LRRC1: variants seen among roughly 807,000 people sequenced by gnomAD.
LRRC1 encodes leucine-rich repeat-containing protein 1.
Under a neutral mutation model 69.9 loss-of-function variants are expected in LRRC1, and 28 were observed. The observed-to-expected ratio is 0.40, with a 90% CI of 0.30 to 0.55. The LOEUF (loss-of-function observed/expected upper bound fraction) is 0.55. LRRC1 is among the 20% of genes least tolerant of loss of function. The pLI, the probability that LRRC1 is intolerant of heterozygous loss-of-function variation, is 0.47. For synonymous variants in LRRC1, 236 were observed against 240.2 expected, an observed-to-expected ratio of 0.98 and a Z score of 0.16; for missense variants, 498 against 609.0, an observed-to-expected ratio of 0.82 and a Z score of 1.92.
chr6:53,815,830 GT>G (rs1764935951), intron 1 of LRRC1, among the ~76,000 whole-genome samples: 1 of 152,178 alleles, frequency 6.6e-6, no homozygotes, highest in South Asian at 2.1e-4. Context: ...AGGCAGGCCG[GT>G]TTTTAAAAAT....
chr6:53,795,379 G>A lies in LRRC1; in HGVS notation c.123G>A (p.Leu41=). The A allele has an allele frequency of 6.2e-7, 1 of 1,613,476 alleles. No homozygotes were observed. The highest frequency in any genetic ancestry group is 1.7e-5 in the Admixed American group (1 of 60,014). Residue 41 remains leucine (L), a synonymous_variant, in exon 1 of 14, where the codon CTG becomes CTA. Coordinates refer to ENST00000370888, the MANE Select transcript of LRRC1 (RefSeq NM_018214.5). ...IYRYARSLEE[L]LLDANQLREL... ...GCTATGCCCGGAGCCTGGAGGAGCT[G>A]CTGCTGGACGCCAACCAGCTCCGCG...
intron 1 of LRRC1, among the ~76,000 whole-genome samples, chr6:53,836,644 T>C (rs1420632586): frequency 6.6e-6 from 1 of 152,240 alleles, no homozygotes; most frequent in African/African-American, 2.4e-5. Flanking sequence ...TTAAAAAGTT[T>C]TTTTTATTGT....
intron 1 of LRRC1, among the ~76,000 whole-genome samples, chr6:53,836,794 A>G (rs1765623705): frequency 6.6e-6 from 1 of 152,188 alleles, no homozygotes; most frequent in African/African-American, 2.4e-5. Context: ...ATCAAATTAC[A>G]TATTCTGCTT....
intron 1 of LRRC1, among the ~76,000 whole-genome samples, chr6:53,795,768 A>T (rs1764279553): frequency 6.6e-6 from 1 of 152,038 alleles, no homozygotes. Flanking sequence ...TTCCATCTGG[A>T]AGCTACAGAG....
chr6:53,899,715 T>TG (rs765069270), intron 7 of LRRC1, 32 bp from the exon 8 acceptor site: 47 of 1,608,944 alleles, frequency 2.9e-5, no homozygotes, highest in Middle Eastern at 1.7e-4. Flanking sequence ...CAGGTTTAAG[T>TG]GTGCGTTTAT....
In LRRC1 at chr6:53,858,831, AGAT is replaced by A. The variant is rs1358419539; in HGVS notation, c.277+16607_277+16609del. On this transcript the variant is annotated intron_variant, in intron 2 of 13. Coordinates refer to ENST00000370888, the MANE Select transcript of LRRC1 (RefSeq NM_018214.5). ...AAGTTAATCTCATTTAGAAACTGGT[AGAT>A]GACTGGCAGAGAATAAATCAGAGAT... is the stretch of plus-strand genomic sequence containing the variant. 3.3e-5 allele frequency among the ~76,000 whole-genome samples: 5 copies of A among 152,254 alleles called. No homozygotes were observed. The East Asian group carries it at 5.8e-4, about 18-fold the overall frequency.
intron 1 of LRRC1, among the ~76,000 whole-genome samples, chr6:53,831,233 A>G (rs568650915): frequency 3.3e-5 from 5 of 152,256 alleles, no homozygotes; most frequent in African/African-American, 1.2e-4. Context: ...AACAGTCTGA[A>G]CAAACGGCAT....
intron 2 of LRRC1, among the ~76,000 whole-genome samples, chr6:53,857,919 C>G (rs1347142211): frequency 6.6e-6 from 1 of 152,188 alleles, no homozygotes; most frequent in Non-Finnish European, 1.5e-5. Context: ...TGGTATGTGT[C>G]TTGGACAGCT....
At position 53,923,057 on chromosome 6, in the gene LRRC1, A is replaced by T; in HGVS notation, c.*264A>T. On this transcript the variant is annotated 3_prime_UTR_variant, in exon 14 of 14. Coordinates refer to ENST00000370888, the MANE Select transcript of LRRC1 (RefSeq NM_018214.5). ...TAGAATACACTACTGTAAACATACG[A>T]CCTTTGTTTTTGTCTTATGTTGGGG... 3.3e-6 allele frequency: 1 copy of T among 307,648 alleles called. No homozygotes were observed. Among genetic ancestry groups the T allele is most frequent in the Admixed American group, 4.8e-5 (1 of 20,668 alleles). The allele number at this position is 307,648 out of a possible 1,614,324, so 19.1% of individuals were successfully genotyped here.
At chr6:53,795,438 GC>G in intron 1 of LRRC1, 23 bp downstream of exon 1, 2 of 1,599,106 alleles carry the variant, frequency 1.3e-6, no homozygotes, top group Non-Finnish European at 1.7e-6. Context: ...CCTCACCTGA[GC>G]GCTCTGCCCG....
rs186321126 is a variant in LRRC1, at chr6:53,842,944, A to G, written c.277+717A>G. Among the ~76,000 whole-genome samples the G allele has an allele frequency of 6.0e-4, 91 of 152,300 alleles. 2 individuals are homozygous for G. The highest frequency in any genetic ancestry group is 1.9e-3 in the East Asian group (10 of 5,178). ...TAATAGATACCCCAATGGGATACTC[A>G]AATGCCTTTCATTTTTAAATGGGTA... On this transcript the variant is annotated intron_variant, in intron 2 of 13. Transcript: ENST00000370888.
chr6:53,833,393 C>T (rs540782584), intron 1 of LRRC1, among the ~76,000 whole-genome samples: 31 of 152,170 alleles, frequency 2.0e-4, no homozygotes, highest in Admixed American at 1.1e-3. Flanking sequence ...TGTTTAGGAT[C>T]ATTAATGGTG....
intron 1 of LRRC1, among the ~76,000 whole-genome samples, chr6:53,838,979 CT>C (rs1316743162): frequency 2.0e-5 from 3 of 152,000 alleles, no homozygotes; most frequent in African/African-American, 7.2e-5. Flanking sequence ...TGCACACATG[CT>C]TTTTTAATGT....
intron 12 of LRRC1, among the ~76,000 whole-genome samples, chr6:53,920,157 G>T (rs1166223698): frequency 6.6e-6 from 1 of 152,194 alleles, no homozygotes; most frequent in Non-Finnish European, 1.5e-5. Context: ...GAACCGGAGT[G>T]TCCTGGGGGA....
chr6:53,850,020 A>T (rs1229644781), intron 2 of LRRC1, among the ~76,000 whole-genome samples: 1 of 152,034 alleles, frequency 6.6e-6, no homozygotes, highest in Non-Finnish European at 1.5e-5. Context: ...TGGCACTTTA[A>T]AAAATGCTTA....
intron 1 of LRRC1, among the ~76,000 whole-genome samples, chr6:53,818,585 G>A (rs1193622153): frequency 1.3e-5 from 2 of 152,182 alleles, no homozygotes; most frequent in East Asian, 1.9e-4. Context: ...AGATAAGATT[G>A]TATGAGATTC....
chr6:53,865,235 A>C (rs900391888), intron 2 of LRRC1, among the ~76,000 whole-genome samples: 4 of 152,156 alleles, frequency 2.6e-5, no homozygotes, highest in African/African-American at 9.7e-5. Context: ...TATCCATAGC[A>C]CTTTAATATT....
chr6:53,887,455 A>G (rs960157744), intron 4 of LRRC1, among the ~76,000 whole-genome samples: 1 of 151,916 alleles, frequency 6.6e-6, no homozygotes, highest in Non-Finnish European at 1.5e-5. Context: ...CGATGAAGGG[A>G]GAGATGATGC....
chr6:53,873,542 G>T (rs1766968539), intron 2 of LRRC1, among the ~76,000 whole-genome samples: 1 of 149,964 alleles, frequency 6.7e-6, no homozygotes. Flanking sequence ...CCCGTGATCT[G>T]CCCGCCTCAG....
Sources: allele counts gnomAD v4.1 joint callset (sites outside exome capture counted in the v4.1 genomes callset), GRCh38; gene constraint gnomAD v4.1.1; transcripts MANE v1.5; gene names NCBI Gene and HGNC (gene_info 2026-07-23, HGNC 2026-07-21).